The following GK5 variants were observed in gnomAD, a reference collection of about 807,000 sequenced individuals.
GK5 encodes the protein glycerol kinase 5.
GK5 carries 39 observed loss-of-function variants against 77.3 expected under a neutral mutation model. The observed-to-expected ratio is 0.50, with a 90% confidence interval of 0.39 to 0.66. The LOEUF (loss-of-function observed/expected upper bound fraction) is 0.66, where lower values mean the gene tolerates loss of function less well. Ranked by LOEUF, GK5 falls within the 30% of genes least tolerant of loss-of-function variation. The pLI is 0.00. For synonymous variants in GK5, 211 were observed against 208.0 expected, an observed-to-expected ratio of 1.01 and a Z score of -0.13; for missense variants, 487 against 633.8, an observed-to-expected ratio of 0.77 and a Z score of 2.49.
In GK5 at chr3:142,204,798, A is replaced by T. The variant is rs2064080510; in HGVS notation, c.318-10T>A. 7.0e-7 allele frequency: 1 copy of T among 1,428,332 alleles called. No homozygotes were observed. The highest frequency in any genetic ancestry group is 1.2e-5 in the South Asian group (1 of 82,396). The allele number at this position is 1,428,332 out of a possible 1,614,324, so 88.5% of individuals were successfully genotyped here. A position where few individuals can be genotyped will look rare whatever the true frequency, so the allele number is the denominator to read the frequency against. ...ATGATTTCCTGTTTTCCTAGAAAGA[A>T]TAAAACAGTATTTTGAGACCCAGCA... On this transcript the variant is annotated splice_polypyrimidine_tract_variant and intron_variant, in intron 3 of 15. Coordinates refer to ENST00000392993, the MANE Select transcript of GK5 (RefSeq NM_001039547.3).
chr3:142,213,554 G>C lies in GK5; in HGVS notation c.289C>G (p.Gln97Glu). The change falls in exon 3 of 16, where the codon CAG (glutamine) becomes GAG (glutamate). Residue 97 changes from glutamine (Q) to glutamate (E), a missense_variant. Gln to Glu is a conservative substitution (Grantham distance 29, BLOSUM62 2). This residue lies in a region of GK5 where 323 missense variants were observed against 437.4 expected (regional missense o/e 0.74). Coordinates refer to ENST00000392993, the MANE Select transcript of GK5 (RefSeq NM_001039547.3). ...TTCCACGTAATAAAAGTTGCTCTCT[G>C]TGTTGAAATGCCAAGACCAACAATT... ...NQIVGLGIST[Q>E]RATFITWNKK... 6.2e-7 allele frequency: 1 copy of C among 1,611,682 alleles called. No homozygotes were observed.
At chr3:142,183,174 ATT>A in intron 9 of GK5, 125 bp from the exon 10 acceptor site, 1 of 864,440 alleles carries the variant, frequency 1.2e-6, no homozygotes, top group African/African-American at 1.7e-5. Flanking sequence ...TTTCCTTAAA[ATT>A]AAAAAAAAAA....
rs541820607 is a variant in GK5 at position 142,166,153 on chromosome 3, G to C, written c.1442-383C>G. ...AATCCCAGTGCTTTGGGAGACTGAG[G>C]AGGGGAGACCACTTGCTTAGGAATT... On this transcript the variant is annotated intron_variant, in intron 15 of 15. Coordinates refer to ENST00000392993, the MANE Select transcript of GK5 (RefSeq NM_001039547.3). Among the ~76,000 whole-genome samples, 16 of 152,162 alleles carry C rather than the reference G, an allele frequency of 1.1e-4. No homozygotes were observed. In the South Asian group the frequency reaches 2.9e-3, roughly 28 times the overall value.
chr3:142,173,641 G>A (rs766243048), intron 12 of GK5, among the ~76,000 whole-genome samples: 58 of 152,066 alleles, frequency 3.8e-4, no homozygotes, highest in African/African-American at 1.0e-3. Flanking sequence ...CGGAGATGGC[G>A]CCACTGCACT....
chr3:142,188,298 G>A (rs992649207), intron 5 of GK5, among the ~76,000 whole-genome samples: 30 of 152,260 alleles, frequency 2.0e-4, no homozygotes, highest in Admixed American at 2.0e-3. Flanking sequence ...TTGGGAGGCC[G>A]AGGCGGGCGG....
chr3:142,206,820 TGTATAA>T (rs2064114583), intron 3 of GK5, among the ~76,000 whole-genome samples: 1 of 152,192 alleles, frequency 6.6e-6, no homozygotes. Flanking sequence ...TTTTGTTCTG[TGTATAA>T]TTTGTGCTAT....
At chr3:142,222,643 C>CT (rs145651630) in intron 1 of GK5, among the ~76,000 whole-genome samples, 2,118 of 152,118 alleles carry the variant, frequency 0.014, 56 homozygotes, top group African/African-American at 0.048. Flanking sequence ...TGCAGTAACT[C>CT]GTGCCTGTAA....
chr3:142,167,316 A>G (rs1560207841), intron 15 of GK5, among the ~76,000 whole-genome samples: 1 of 152,014 alleles, frequency 6.6e-6, no homozygotes, highest in African/African-American at 2.4e-5. Flanking sequence ...GGAGGTTGCA[A>G]TGACCCGAGA....
chr3:142,219,873 G>A (rs2064318704), intron 1 of GK5, among the ~76,000 whole-genome samples: 2 of 152,170 alleles, frequency 1.3e-5, no homozygotes, highest in Non-Finnish European at 2.9e-5. Flanking sequence ...GGAGTCTGAA[G>A]TGGGAGGATC....
At chr3:142,179,261 A>G (rs1302281739) in intron 11 of GK5, among the ~76,000 whole-genome samples, 1 of 152,264 alleles carries the variant, frequency 6.6e-6, no homozygotes, top group Admixed American at 6.5e-5. Flanking sequence ...GTTAATGAGG[A>G]TCACTCAATA....
chr3:142,215,662 C>A lies in GK5; in HGVS notation c.178G>T (p.Val60Leu), dbSNP rs973248656. Residue 60 changes from valine to leucine, a missense_variant, in exon 2 of 16, where the codon GTA becomes TTA. Around this residue, in one of 4 missense-constraint regions of GK5, gnomAD observed 97 missense variants for 86.9 expected, o/e 1.12. Coordinates refer to ENST00000392993, the MANE Select transcript of GK5 (RefSeq NM_001039547.3). ...VENLYPQIGW[V>L]EIDPDVLWIQ... ...CAAAGAACATCAGGATCAATTTCTA[C>A]CCAGCCAATTTGAGGATAAAGATTT... is the stretch of plus-strand genomic sequence containing the variant. 4.4e-6 allele frequency: 7 copies of A among 1,595,184 alleles called. No individual in the cohort carries two copies. In the African/African-American group the frequency reaches 9.4e-5, roughly 21 times the overall value.
At chr3:142,213,652 C>A in intron 2 of GK5, 51 bp from the exon 3 acceptor site, 2 of 1,175,226 alleles carry the variant, frequency 1.7e-6, no homozygotes, top group South Asian at 2.5e-5. Context: ...TGATATTTTT[C>A]TTTATAATAT....
At chr3:142,168,692 G>A (rs570154714) in intron 15 of GK5, among the ~76,000 whole-genome samples, 9 of 151,822 alleles carry the variant, frequency 5.9e-5, no homozygotes, top group South Asian at 2.1e-4. Context: ...TTGTCAAAGC[G>A]ATCTGTTCAA....
chr3:142,177,731 G>C (rs1258607039), intron 11 of GK5, 155 bp from the exon 12 acceptor site: 3 of 589,278 alleles, frequency 5.1e-6, no homozygotes, highest in African/African-American at 3.8e-5. Flanking sequence ...TCAGCACAAA[G>C]ACCATTCTGT....
chr3:142,221,302 C>T (rs1255513356), intron 1 of GK5, among the ~76,000 whole-genome samples: 1 of 152,156 alleles, frequency 6.6e-6, no homozygotes, highest in Non-Finnish European at 1.5e-5. Context: ...TGACTACAGA[C>T]TGTAATAGTT....
intron 15 of GK5, among the ~76,000 whole-genome samples, chr3:142,169,690 G>C (rs1177414351): frequency 2.7e-4 from 9 of 33,808 alleles, no homozygotes; most frequent in Non-Finnish European, 5.1e-4. Flanking sequence ...TTTTTTTTTT[G>C]AGACAGAGTC....
rs77132218 is a variant in GK5 at position 142,186,503 on chromosome 3, A to G, written c.630T>C (p.Tyr210=). 481 of 1,532,758 alleles carry G rather than the reference A, an allele frequency of 3.1e-4. 1 individual carries two copies. The African/African-American group carries it at 4.8e-3, about 15-fold the overall frequency. 94.9% of individuals were successfully genotyped at this position (1,532,758 alleles called of 1,614,324 possible). A position where few individuals can be genotyped will look rare whatever the true frequency, so the allele number is the denominator to read the frequency against. ...LLYKLTKGSV[Y]ATDFSNASTT... ...TACTAGCATTTGAAAAATCTGTGGC[A>G]TATACAGAACCTAAATTTAAATAGG... is the stretch of plus-strand genomic sequence containing the variant. The change falls in exon 7 of 16, where the codon TAT becomes TAC. Residue 210 remains tyrosine (Y), a synonymous_variant. Coordinates refer to ENST00000392993, the MANE Select transcript of GK5 (RefSeq NM_001039547.3).
intron 1 of GK5, among the ~76,000 whole-genome samples, chr3:142,219,786 A>G (rs1218375243): frequency 1.3e-5 from 2 of 152,200 alleles, no homozygotes; most frequent in Admixed American, 1.3e-4. Context: ...GATCAGCCTG[A>G]GCAACATGGC....
chr3:142,204,656 A>G (rs750700600), intron 4 of GK5, 39 bp downstream of exon 4: 8 of 1,153,336 alleles, frequency 6.9e-6, no homozygotes, highest in Non-Finnish European at 1.0e-5. Flanking sequence ...ACAGAAAAAA[A>G]AAACCAACAA....
Sources: allele counts gnomAD v4.1 joint callset (sites outside exome capture counted in the v4.1 genomes callset), GRCh38; gene constraint gnomAD v4.1.1; regional missense constraint gnomAD v4.1.1; transcripts MANE v1.5; gene names NCBI Gene and HGNC (gene_info 2026-07-23, HGNC 2026-07-21).